The following SPOPL variants were observed in gnomAD, a reference collection of about 807,000 sequenced individuals.
SPOPL encodes the protein speckle type BTB/POZ protein like, also known as speckle-type POZ protein-like.
In SPOPL, 23 loss-of-function variants were observed where a neutral mutation model predicts 53.8. That is an observed-to-expected ratio of 0.43 (90% CI 0.31 to 0.61). The LOEUF (loss-of-function observed/expected upper bound fraction) is 0.61. Ranked by LOEUF, SPOPL falls within the 20% of genes least tolerant of loss-of-function variation. The probability of loss-of-function intolerance (pLI) is 0.12; values close to 1 mark genes in which losing one functional copy is unlikely to be tolerated. For missense variants in SPOPL, 442 were observed against 466.9 expected (o/e 0.95, Z 0.49); for synonymous variants, 164 against 149.7 (o/e 1.10, Z -0.70).
At position 138,536,341 on chromosome 2, in the gene SPOPL, C is replaced by CA. The variant is rs1161768934; in HGVS notation, c.-60-13816_-60-13815insA. ...TTTTAGTGGAGTCTATTTAGTGCCC[C>CA]CCCCCCACACACACACACACGCACA... On this transcript the variant is annotated intron_variant, in intron 1 of 10. Transcript: ENST00000280098. 1.4e-4 allele frequency among the ~76,000 whole-genome samples: 16 copies of CA among 112,356 alleles called. 1 individual carries two copies. The highest frequency in any genetic ancestry group is 4.6e-4 in the African/African-American group (14 of 30,500). The allele number at this position is 112,356 out of a possible 152,430, so 73.7% of individuals were successfully genotyped here.
intron 1 of SPOPL, among the ~76,000 whole-genome samples, chr2:138,534,919 A>G (rs1233130969): frequency 3.3e-5 from 5 of 152,228 alleles, no homozygotes; most frequent in African/African-American, 1.2e-4. Context: ...ATGTTGTAAC[A>G]TGCATCAATA....
intron 1 of SPOPL, among the ~76,000 whole-genome samples, chr2:138,536,388 G>T (rs1017798553): frequency 2.0e-5 from 3 of 151,886 alleles, no homozygotes; most frequent in African/African-American, 7.3e-5. Context: ...CTCTGATGTT[G>T]CACCTCTGGG....
At chr2:138,527,649 A>T (rs1343789752) in intron 1 of SPOPL, among the ~76,000 whole-genome samples, 1 of 152,152 alleles carries the variant, frequency 6.6e-6, no homozygotes, top group African/African-American at 2.4e-5. Flanking sequence ...CATTTCTATG[A>T]GAGTTCTTTG....
intron 1 of SPOPL, among the ~76,000 whole-genome samples, chr2:138,522,028 G>C (rs1684570086): frequency 6.6e-6 from 1 of 152,176 alleles, no homozygotes. Flanking sequence ...GACGACCTGA[G>C]ACTTTGTTAG....
At chr2:138,528,281 C>G (rs973502188) in intron 1 of SPOPL, among the ~76,000 whole-genome samples, 1 of 152,210 alleles carries the variant, frequency 6.6e-6, no homozygotes, top group African/African-American at 2.4e-5. Context: ...GCCACTTGGC[C>G]TTTTCCTGCT....
intron 1 of SPOPL, among the ~76,000 whole-genome samples, chr2:138,511,135 T>C (rs548449278): frequency 6.6e-6 from 1 of 152,338 alleles, no homozygotes; most frequent in South Asian, 2.1e-4. Flanking sequence ...AAAATACTTT[T>C]TCCTGTAAGC....
chr2:138,507,318 A>G (rs1258124714), intron 1 of SPOPL, among the ~76,000 whole-genome samples: 1 of 152,182 alleles, frequency 6.6e-6, no homozygotes, highest in Non-Finnish European at 1.5e-5. Flanking sequence ...TTATTCATTC[A>G]TAGTATGTAT....
At chr2:138,527,757 G>A (rs966449706) in intron 1 of SPOPL, among the ~76,000 whole-genome samples, 1 of 152,120 alleles carries the variant, frequency 6.6e-6, no homozygotes, top group Non-Finnish European at 1.5e-5. Flanking sequence ...TTAGGATGAG[G>A]GACTGTGTTG....
At chr2:138,510,528 A>G (rs367861071) in intron 1 of SPOPL, among the ~76,000 whole-genome samples, 3 of 152,210 alleles carry the variant, frequency 2.0e-5, no homozygotes, top group Non-Finnish European at 2.9e-5. Context: ...GAAGTGTCCA[A>G]CTACAATAGT....
intron 1 of SPOPL, among the ~76,000 whole-genome samples, chr2:138,510,790 C>G (rs1179574748): frequency 1.4e-4 from 22 of 152,076 alleles, no homozygotes; most frequent in Admixed American, 1.4e-3. Flanking sequence ...GGAAATTCCT[C>G]TGTAGTTTTT....
At chr2:138,535,771 A>T (rs150006611) in intron 1 of SPOPL, among the ~76,000 whole-genome samples, 2 of 151,830 alleles carry the variant, frequency 1.3e-5, no homozygotes, top group Non-Finnish European at 2.9e-5. Flanking sequence ...CATTATATAC[A>T]TGTCAGTGTG....
intron 1 of SPOPL, among the ~76,000 whole-genome samples, chr2:138,505,565 CG>C (rs1261974310): frequency 7.1e-6 from 1 of 140,086 alleles, no homozygotes; most frequent in Non-Finnish European, 1.5e-5. Flanking sequence ...AAGACCAGCC[CG>C]GCCAACATGG....
chr2:138,545,157 C>T (rs989653282), intron 1 of SPOPL, among the ~76,000 whole-genome samples: 2 of 152,134 alleles, frequency 1.3e-5, no homozygotes. Context: ...TTCAGTCAGT[C>T]CTTCAGGGAA....
At chr2:138,552,910 T>C (rs1032422937) in intron 5 of SPOPL, among the ~76,000 whole-genome samples, 7 of 152,106 alleles carry the variant, frequency 4.6e-5, no homozygotes, top group Non-Finnish European at 4.4e-5. Flanking sequence ...TGTACACTTA[T>C]ACTACAACAT....
intron 8 of SPOPL, 66 bp downstream of exon 8, chr2:138,560,993 TC>T: frequency 1.9e-6 from 3 of 1,547,666 alleles, no homozygotes; most frequent in Non-Finnish European, 2.6e-6. Context: ...AAAGCTGTCA[TC>T]AAATGAAAAC....
intron 10 of SPOPL, among the ~76,000 whole-genome samples, chr2:138,566,817 T>C (rs1685669321): frequency 6.6e-6 from 1 of 152,184 alleles, no homozygotes. Context: ...ATCATTTCAT[T>C]ATAATATGGT....
chr2:138,531,513 T>C (rs1384349180), intron 1 of SPOPL, among the ~76,000 whole-genome samples: 1 of 152,186 alleles, frequency 6.6e-6, no homozygotes, highest in African/African-American at 2.4e-5. Flanking sequence ...CTTCAAATAT[T>C]GCTTCTCTCT....
intron 1 of SPOPL, among the ~76,000 whole-genome samples, chr2:138,534,091 T>C (rs1458875051): frequency 6.6e-6 from 1 of 152,128 alleles, no homozygotes; most frequent in Non-Finnish European, 1.5e-5. Flanking sequence ...ACTGCAAAAT[T>C]GAAGACATTT....
intron 10 of SPOPL, among the ~76,000 whole-genome samples, chr2:138,565,329 G>T (rs950628501): frequency 6.6e-5 from 10 of 152,290 alleles, no homozygotes; most frequent in African/African-American, 2.4e-4. Context: ...ACTCCTATGA[G>T]GAATGTTACC....
Sources: allele counts gnomAD v4.1 joint callset (sites outside exome capture counted in the v4.1 genomes callset), GRCh38; gene constraint gnomAD v4.1.1; transcripts MANE v1.5; gene names NCBI Gene and HGNC (gene_info 2026-07-23, HGNC 2026-07-21).